The following CDH13 variants were observed in gnomAD, a reference collection of about 807,000 sequenced individuals.
CDH13 encodes the protein cadherin 13, also known as cadherin-13.
CDH13 carries 24 observed loss-of-function variants against 63.8 expected under a neutral mutation model. The ratio of observed to expected loss-of-function variants is 0.38; its 90% CI spans 0.27 to 0.53. CDH13 has a LOEUF of 0.53. Ranked by LOEUF, CDH13 falls within the 20% of genes least tolerant of loss-of-function variation. The pLI is 0.85. For synonymous variants in CDH13, 503 were observed against 355.3 expected, an observed-to-expected ratio of 1.42 and a Z score of -4.67; for missense variants, 1,049 against 903.1, an observed-to-expected ratio of 1.16 and a Z score of -2.07.
At chr16:83,512,364 ATAAAT>A (rs2074591207) in intron 7 of CDH13, among the ~76,000 whole-genome samples, 1 of 144,914 alleles carries the variant, frequency 6.9e-6, no homozygotes, top group African/African-American at 2.5e-5. Flanking sequence ...AAATAAATAA[ATAAAT>A]AAAATAAAAA....
intron 4 of CDH13, among the ~76,000 whole-genome samples, chr16:83,167,442 G>A (rs931209317): frequency 1.4e-5 from 2 of 147,332 alleles, no homozygotes; most frequent in South Asian, 2.2e-4. Context: ...AGAAGTTGCA[G>A]TGAGCTGAGA....
At chr16:83,171,951 GC>G (rs2037938429) in intron 4 of CDH13, among the ~76,000 whole-genome samples, 2 of 152,120 alleles carry the variant, frequency 1.3e-5, no homozygotes, top group African/African-American at 4.8e-5. Context: ...TGGTGAGATA[GC>G]TGGTGGACAT....
intron 1 of CDH13, among the ~76,000 whole-genome samples, chr16:82,640,052 C>A (rs563281748): frequency 1.3e-5 from 2 of 152,330 alleles, no homozygotes; most frequent in East Asian, 3.9e-4. Flanking sequence ...TGCCTGCCCC[C>A]GTGGAGTTTG....
intron 7 of CDH13, among the ~76,000 whole-genome samples, chr16:83,568,224 C>G (rs756710631): frequency 7.2e-5 from 11 of 152,120 alleles, no homozygotes; most frequent in Non-Finnish European, 1.2e-4. Flanking sequence ...TAAAATCTGT[C>G]TGCATTTCAG....
chr16:83,485,329 A>G (rs1164589746), intron 6 of CDH13, among the ~76,000 whole-genome samples: 1 of 152,310 alleles, frequency 6.6e-6, no homozygotes, highest in South Asian at 2.1e-4. Flanking sequence ...CAATGGATAT[A>G]CCAGTTTCCC....
intron 1 of CDH13, among the ~76,000 whole-genome samples, chr16:82,756,781 C>G (rs773287127): frequency 6.6e-5 from 10 of 152,134 alleles, no homozygotes; most frequent in Admixed American, 1.3e-4. Flanking sequence ...ATTATGCTTT[C>G]GTGAGCTCCT....
chr16:83,113,323 A>G (rs1317009343), intron 3 of CDH13, among the ~76,000 whole-genome samples: 1 of 152,246 alleles, frequency 6.6e-6, no homozygotes, highest in Non-Finnish European at 1.5e-5. Context: ...TCATTTACTT[A>G]TTAGACACAA....
At chr16:83,064,277 G>C (rs1199348897) in intron 3 of CDH13, among the ~76,000 whole-genome samples, 1 of 152,108 alleles carries the variant, frequency 6.6e-6, no homozygotes, top group East Asian at 1.9e-4. Context: ...GCTGAGATAG[G>C]AAAATCGCTT....
At chr16:83,558,988 A>G (rs4238694) in intron 7 of CDH13, among the ~76,000 whole-genome samples, 151,870 of 152,152 alleles carry the variant, frequency 1, 75,798 homozygotes, top group Non-Finnish European at 1. Flanking sequence ...ACCTCCCTCA[A>G]TGGGGTCAGC....
At chr16:83,557,795 A>G (rs1265698672) in intron 7 of CDH13, among the ~76,000 whole-genome samples, 2 of 152,122 alleles carry the variant, frequency 1.3e-5, no homozygotes, top group African/African-American at 2.4e-5. Context: ...GTAGCACCCA[A>G]TTTCAGACTT....
chr16:83,680,798 C>T (rs1288240278), intron 10 of CDH13, among the ~76,000 whole-genome samples: 2 of 151,956 alleles, frequency 1.3e-5, no homozygotes, highest in East Asian at 3.9e-4. Flanking sequence ...CAAAAGGGGT[C>T]CTGCTTACTT....
At chr16:83,092,211 G>A (rs1378948447) in intron 3 of CDH13, among the ~76,000 whole-genome samples, 1 of 152,186 alleles carries the variant, frequency 6.6e-6, no homozygotes, top group Non-Finnish European at 1.5e-5. Context: ...TATCCAAAGT[G>A]ACACAATTCT....
intron 7 of CDH13, among the ~76,000 whole-genome samples, chr16:83,540,559 A>G (rs1218304188): frequency 1.3e-5 from 2 of 152,184 alleles, no homozygotes; most frequent in African/African-American, 4.8e-5. Flanking sequence ...CCCTTCCTTT[A>G]AAACAGTTTC....
chr16:82,826,806 G>C (rs951075926), intron 1 of CDH13: 5 of 152,178 alleles, frequency 3.3e-5, no homozygotes, highest in African/African-American at 1.2e-4. Flanking sequence ...ATTGAGCATA[G>C]ACATCTAAAT....
At position 83,457,727 on chromosome 16, in the gene CDH13, G is replaced by A. The variant is rs549146299; in HGVS notation, c.782-28750G>A. Among the ~76,000 whole-genome samples the A allele has an allele frequency of 6.6e-5, 10 of 152,132 alleles. No individual in the cohort carries two copies. The East Asian group carries it at 1.9e-3, about 29-fold the overall frequency. On this transcript the variant is annotated intron_variant, in intron 6 of 13. Coordinates refer to ENST00000567109, the MANE Select transcript of CDH13 (RefSeq NM_001257.5). ...GCAAGCCTTGCAGCTAAAAGACAGG[G>A]AACCAGCAGGCCAGGCCGAGCCAAG...
At chr16:83,101,270 T>C (rs866410222) in intron 3 of CDH13, among the ~76,000 whole-genome samples, 4 of 150,626 alleles carry the variant, frequency 2.7e-5, no homozygotes, top group Middle Eastern at 3.5e-3. Context: ...TGTATACATA[T>C]ACATATACAG....
intron 1 of CDH13, chr16:82,824,289 C>G (rs1409723802): frequency 1.3e-5 from 2 of 149,300 alleles, no homozygotes; most frequent in Admixed American, 6.7e-5. Context: ...GAAACCATCT[C>G]ATTATTTTAG....
intron 7 of CDH13, among the ~76,000 whole-genome samples, chr16:83,509,555 T>C (rs923419976): frequency 3.9e-5 from 6 of 152,262 alleles, no homozygotes; most frequent in African/African-American, 1.2e-4. Context: ...ATTTGTCCCA[T>C]TAGCTGTGGT....
At chr16:82,732,706 A>T (rs751281494) in intron 1 of CDH13, among the ~76,000 whole-genome samples, 17 of 152,164 alleles carry the variant, frequency 1.1e-4, no homozygotes, top group Non-Finnish European at 7.4e-5. Flanking sequence ...CAGATATCTA[A>T]CCACTGATTT....
Sources: gnomAD v4.1 joint callset for allele counts (sites outside exome capture counted in the v4.1 genomes callset) on GRCh38, gnomAD v4.1.1 for gene constraint, MANE v1.5 for transcripts, NCBI Gene and HGNC (gene_info 2026-07-23, HGNC 2026-07-21) for gene names.